Variants in COL14A1 observed in about 807,000 individuals in gnomAD.
The protein encoded by COL14A1 is collagen alpha-1(XIV) chain.
COL14A1 carries 136 observed loss-of-function variants against 230.3 expected under a neutral mutation model. The observed-to-expected ratio is 0.59, with a 90% CI of 0.51 to 0.68. The LOEUF (loss-of-function observed/expected upper bound fraction) is 0.68, where lower values mean the gene tolerates loss of function less well. Ranked by LOEUF, COL14A1 falls within the 30% of genes least tolerant of loss-of-function variation. The pLI is 0.00. For missense variants in COL14A1, 1,976 were observed against 2,215.8 expected (o/e 0.89, Z 2.17); for synonymous variants, 792 against 784.1 (o/e 1.01, Z -0.17).
Position 120,208,283 on chromosome 8 carries a change from T to C in COL14A1, c.1243T>C (p.Leu415=). The C allele has an allele frequency of 6.2e-7, 1 of 1,613,728 alleles. No individual in the cohort carries two copies. Among genetic ancestry groups the C allele is most frequent in the Non-Finnish European group, 8.5e-7 (1 of 1,179,782 alleles). ...CACAGTGTTGAAAAACTTGATGTCT[T>C]TAACTGAATATCAGATAGCAGTCTT... is the stretch of plus-strand genomic sequence containing the variant. ...SSTVLKNLMS[L]TEYQIAVFAI... is the part of the protein sequence containing the mutation. The change falls in exon 11 of 48, where the codon TTA becomes CTA. Residue 415 remains leucine, a synonymous_variant. Coordinates refer to ENST00000297848, the MANE Select transcript of COL14A1 (RefSeq NM_021110.4).
chr8:120,238,917 T>A (rs1400208914), intron 19 of COL14A1, among the ~76,000 whole-genome samples: 1 of 152,140 alleles, frequency 6.6e-6, no homozygotes, highest in Non-Finnish European at 1.5e-5. Flanking sequence ...CTGCTTATGC[T>A]CACCCTCCAT....
chr8:120,176,382 A>G (rs1427289868), intron 5 of COL14A1, among the ~76,000 whole-genome samples: 1 of 152,138 alleles, frequency 6.6e-6, no homozygotes, highest in African/African-American at 2.4e-5. Context: ...TGCAGTCATT[A>G]TGGTTGAGTG....
At chr8:120,365,147 C>T (rs1823366614) in intron 45 of COL14A1, among the ~76,000 whole-genome samples, 1 of 152,090 alleles carries the variant, frequency 6.6e-6, no homozygotes, top group Non-Finnish European at 1.5e-5. Context: ...ATCTTCTCCA[C>T]CTCGTGCTTT....
chr8:120,353,750 G>A (rs1279021459), intron 45 of COL14A1, among the ~76,000 whole-genome samples: 1 of 151,260 alleles, frequency 6.6e-6, no homozygotes, highest in African/African-American at 2.4e-5. Context: ...AACAGGTGCT[G>A]GAGAGGATGT....
chr8:120,148,080 A>T, intron 2 of COL14A1, 150 bp downstream of exon 2: 2 of 532,012 alleles, frequency 3.8e-6, no homozygotes, highest in Non-Finnish European at 6.6e-6. Context: ...ATCTTTGATG[A>T]GGATTACAAC....
At chr8:120,304,840 A>G (rs6469905) in intron 36 of COL14A1, among the ~76,000 whole-genome samples, 81,578 of 152,068 alleles carry the variant, frequency 0.54, 23,571 homozygotes, top group African/African-American at 0.77. Flanking sequence ...AGTCATACCT[A>G]CTTACGTAGG....
At chr8:120,341,268 A>G in intron 42 of COL14A1, 57 bp from the exon 43 acceptor site, 1 of 1,534,626 alleles carries the variant, frequency 6.5e-7, no homozygotes, top group Non-Finnish European at 9.0e-7. Flanking sequence ...ATGCATGATT[A>G]TCACTCTTAG....
At chr8:120,224,105 C>T (rs1027719421) in intron 14 of COL14A1, among the ~76,000 whole-genome samples, 1 of 141,376 alleles carries the variant, frequency 7.1e-6, no homozygotes, top group Non-Finnish European at 1.5e-5. Flanking sequence ...CAGCTCACTG[C>T]AACCTCTGTC....
intron 1 of COL14A1, among the ~76,000 whole-genome samples, chr8:120,145,707 A>G (rs955524953): frequency 1.3e-5 from 2 of 152,212 alleles, no homozygotes; most frequent in Non-Finnish European, 2.9e-5. Flanking sequence ...TAAATCATAT[A>G]TTAAAAGAGA....
At chr8:120,161,397 G>T (rs1815661680) in intron 3 of COL14A1, among the ~76,000 whole-genome samples, 1 of 152,156 alleles carries the variant, frequency 6.6e-6, no homozygotes, top group South Asian at 2.1e-4. Flanking sequence ...CATAAAAGTT[G>T]AGTATTTATC....
chr8:120,172,725 G>A lies in COL14A1; in HGVS notation c.436+4478G>A, dbSNP rs1816135015. Among the ~76,000 whole-genome samples, 5 of 152,288 alleles carry A rather than the reference G, an allele frequency of 3.3e-5. No individual in the cohort carries two copies. The South Asian group carries it at 1.0e-3, about 32-fold the overall frequency. On this transcript the variant is annotated intron_variant, in intron 5 of 47. Transcript: ENST00000297848. The stretch of plus-strand genomic sequence containing the variant: ...CTTAGGCCAATGTACAACTTTCCTT[G>A]TCATCTCCCTTGCTAGAAAGCAGTT...
At chr8:120,270,257 A>T in intron 26 of COL14A1, 83 bp downstream of exon 26, 1 of 1,358,640 alleles carries the variant, frequency 7.4e-7, no homozygotes, top group African/African-American at 1.5e-5. Context: ...GTCAGGGACT[A>T]TAGGTCAAGA....
chr8:120,214,774 G>GAA (rs34539626), intron 13 of COL14A1, among the ~76,000 whole-genome samples: 12 of 151,424 alleles, frequency 7.9e-5, no homozygotes, highest in Admixed American at 3.9e-4. Context: ...AATATACGGT[G>GAA]AAAAAAAATA....
intron 5 of COL14A1, 85 bp downstream of exon 5, chr8:120,168,332 C>A: frequency 1.0e-6 from 1 of 956,458 alleles, no homozygotes; most frequent in Non-Finnish European, 1.6e-6. Context: ...GTTGCTGGTC[C>A]CATCTAAGAA....
At chr8:120,194,071 T>C (rs552636717) in intron 5 of COL14A1, among the ~76,000 whole-genome samples, 47 of 152,318 alleles carry the variant, frequency 3.1e-4, no homozygotes, top group African/African-American at 1.1e-3. Flanking sequence ...CTGTGCCCAC[T>C]GTCCGGCACT....
At chr8:120,277,939 T>C in intron 26 of COL14A1, 172 bp from the exon 27 acceptor site, 1 of 544,972 alleles carries the variant, frequency 1.8e-6, no homozygotes, top group Non-Finnish European at 3.1e-6. Flanking sequence ...AAAAGATGTA[T>C]TTAATTTGTC....
chr8:120,179,235 G>A (rs1816385461), intron 5 of COL14A1, among the ~76,000 whole-genome samples: 1 of 152,180 alleles, frequency 6.6e-6, no homozygotes, highest in Non-Finnish European at 1.5e-5. Context: ...ACTAGGAAAA[G>A]AGGAAGTCAA....
intron 38 of COL14A1, among the ~76,000 whole-genome samples, 191 bp downstream of exon 38, chr8:120,314,218 A>C (rs556737562): frequency 6.6e-6 from 1 of 152,290 alleles, no homozygotes; most frequent in South Asian, 2.1e-4. Flanking sequence ...TTTAACAAAT[A>C]AGTACATGCA....
chr8:120,295,841 T>G (rs1820511146), intron 34 of COL14A1, among the ~76,000 whole-genome samples: 1 of 151,880 alleles, frequency 6.6e-6, no homozygotes, highest in Non-Finnish European at 1.5e-5. Context: ...TGCCAAGACA[T>G]TAAATAATTT....
Sources: allele counts gnomAD v4.1 joint callset (sites outside exome capture counted in the v4.1 genomes callset), GRCh38; gene constraint gnomAD v4.1.1; transcripts MANE v1.5; gene names NCBI Gene and HGNC (gene_info 2026-07-23, HGNC 2026-07-21).